Variants in IDUA observed in about 807,000 individuals in gnomAD.
IDUA encodes the protein alpha-L-iduronidase.
In IDUA, 65 loss-of-function variants were observed where a neutral mutation model predicts 68.9. That is an observed-to-expected ratio of 0.94 (90% confidence interval 0.77 to 1.16). IDUA has a LOEUF of 1.16. Ranked by LOEUF, IDUA falls within the 50% of genes most tolerant of loss-of-function variation. The pLI is 0.00. For synonymous variants in IDUA, 529 were observed against 433.6 expected (o/e 1.22, Z -2.73); for missense variants, 1,046 against 938.0 (o/e 1.12, Z -1.50).
At chr4:990,839 G>T (rs1415012114) in intron 2 of IDUA, 2 of 468,250 alleles carry the variant, frequency 4.3e-6, no homozygotes, top group Non-Finnish European at 7.6e-6. Flanking sequence ...CATGGCCTCA[G>T]TCCAGCACCA....
At chr4:994,506 C>A (rs968556209) in intron 2 of IDUA, among the ~76,000 whole-genome samples, 2 of 150,814 alleles carry the variant, frequency 1.3e-5, no homozygotes, top group African/African-American at 4.9e-5. Context: ...GGCATGATCT[C>A]GGCTCACTGC....
chr4:1,001,472 G>C lies in IDUA; in HGVS notation c.498G>C (p.Arg166Ser). ...GACAGCAAGGCTCCTCTGCAGGTAG[G>C]TACGGACTGGCGCATGTTTCCAAGT... Reference protein sequence around the residue: ...VSSLARRYIGRYGLAHVSKWN... With the variant: ...VSSLARRYIGSYGLAHVSKWN... The change falls in exon 5 of 14, where the codon AGG becomes AGC. Residue 166 changes from arginine (R) to serine (S), a missense_variant. By Grantham distance (110) the Arg-to-Ser change is moderately radical. Coordinates refer to ENST00000514224, the MANE Select transcript of IDUA (RefSeq NM_000203.5). 3 of 1,613,002 alleles carry C rather than the reference G, an allele frequency of 1.9e-6. No individual in the cohort carries two copies. The highest frequency in any genetic ancestry group is 2.5e-6 in the Non-Finnish European group (3 of 1,179,848).
intron 2 of IDUA, chr4:993,310 T>G (rs1375078725): frequency 1.3e-5 from 2 of 151,614 alleles, no homozygotes; most frequent in Non-Finnish European, 2.9e-5. Flanking sequence ...CCTGAGGGAG[T>G]CCTCACAGGC....
intron 12 of IDUA, 70 bp from the exon 13 acceptor site, chr4:1,003,942 C>G: frequency 1.6e-6 from 2 of 1,286,778 alleles, no homozygotes; most frequent in Non-Finnish European, 2.3e-6. Flanking sequence ...TCCACGCGGC[C>G]GTGCCCTGCC....
At chr4:1,002,235 G>T (rs1198380063) in intron 7 of IDUA, 34 bp from the exon 8 acceptor site, 27 of 1,591,132 alleles carry the variant, frequency 1.7e-5, no homozygotes, top group Non-Finnish European at 2.2e-5. Flanking sequence ...CGGTGGCCGC[G>T]CCACCCGGTC....
At chr4:988,054 C>T (rs1304699223) in intron 2 of IDUA, 105 bp downstream of exon 2, 20 of 1,475,092 alleles carry the variant, frequency 1.4e-5, no homozygotes, top group Admixed American at 1.3e-4. Context: ...CCCCACCTCC[C>T]GCCGAAGCAC....
At chr4:992,553 G>A (rs998801859) in intron 2 of IDUA, among the ~76,000 whole-genome samples, 10 of 152,322 alleles carry the variant, frequency 6.6e-5, no homozygotes, top group East Asian at 1.9e-4. Flanking sequence ...GGTGACTGGC[G>A]TCTGTCTCCC....
Position 1,003,022 on chromosome 4 carries a change from G to A in IDUA, c.1403-14G>A. 1 of 1,474,326 alleles carries A rather than the reference G, an allele frequency of 6.8e-7. No homozygotes were observed. The highest frequency in any genetic ancestry group is 8.9e-7 in the Non-Finnish European group (1 of 1,118,820). The allele number at this position is 1,474,326 out of a possible 1,614,324, so 91.3% of individuals were successfully genotyped here. A position where few individuals can be genotyped will look rare whatever the true frequency, so the allele number is the denominator to read the frequency against. On this transcript the variant is annotated splice_polypyrimidine_tract_variant and intron_variant, in intron 9 of 13. Transcript: ENST00000514224. Reference sequence around the variant, plus strand: ...CGGCCCGGGGAGCCGAGGCCTGAGTGTCAGGCCCCGCAGGCCTGGTCTACG... The same window carrying A: ...CGGCCCGGGGAGCCGAGGCCTGAGTATCAGGCCCCGCAGGCCTGGTCTACG...
At chr4:1,001,441 TG>T in intron 4 of IDUA, 26 bp from the exon 5 acceptor site, 5 of 1,598,394 alleles carry the variant, frequency 3.1e-6, no homozygotes, top group Non-Finnish European at 4.3e-6. Flanking sequence ...TCACCTGTGC[TG>T]GGGGGACAGC....
rs535446494 is a variant in IDUA, at chr4:990,455, G to A, written c.299+2506G>A. On this transcript the variant is annotated intron_variant, in intron 2 of 13. Transcript: ENST00000514224. Reference sequence around the variant, plus strand: ...GCATGGCCCGAGGGGTGGTGGTCACGGCACAGGACCTGACAATTCTGTGTT... The same window carrying A: ...GCATGGCCCGAGGGGTGGTGGTCACAGCACAGGACCTGACAATTCTGTGTT... The A allele has an allele frequency of 1.2e-5, 15 of 1,236,152 alleles. No homozygotes were observed. In the Admixed American group the frequency reaches 2.0e-4, roughly 17 times the overall value. 76.6% of individuals were successfully genotyped at this position (1,236,152 alleles called of 1,614,324 possible).
intron 2 of IDUA, chr4:989,062 C>A: frequency 6.3e-7 from 1 of 1,587,442 alleles, no homozygotes; most frequent in Admixed American, 1.8e-5. Flanking sequence ...CGTGCTCACA[C>A]CGGCTGCGTC....
At chr4:1,003,927 G>T (rs1372682603) in intron 12 of IDUA, 85 bp from the exon 13 acceptor site, 3 of 1,114,838 alleles carry the variant, frequency 2.7e-6, no homozygotes, top group Non-Finnish European at 4.1e-6. Context: ...GAATGAGGCT[G>T]TGGGTCCACG....
Position 1,001,319 on chromosome 4 carries a change from C to T in IDUA, c.494-149C>T, listed in dbSNP as rs3733341. 4,391 of 773,346 alleles carry T rather than the reference C, an allele frequency of 5.7e-3. 18 individuals are homozygous for T. Among genetic ancestry groups the T allele is most frequent in the Non-Finnish European group, 7.9e-3 (3,481 of 438,654 alleles). The allele number at this position is 773,346 out of a possible 1,614,324, so 47.9% of individuals were successfully genotyped here. Reference sequence around the variant, plus strand: ...CAGGTCTTGGACCCCCTTGAGCCAGCGCTTCCTGATGTGGGGCGGGAGGCT... The same window carrying T: ...CAGGTCTTGGACCCCCTTGAGCCAGTGCTTCCTGATGTGGGGCGGGAGGCT... On this transcript the variant is annotated intron_variant, in intron 4 of 13. Coordinates refer to ENST00000514224, the MANE Select transcript of IDUA (RefSeq NM_000203.5).
chr4:1,002,980 T>G (rs115134980), intron 9 of IDUA, 36 bp downstream of exon 9: 15 of 1,392,564 alleles, frequency 1.1e-5, no homozygotes, highest in Non-Finnish European at 1.3e-5. Context: ...CTGGCCCCGC[T>G]GGGGCTCTGG....
At chr4:988,544 G>A in intron 2 of IDUA, 3 of 1,274,184 alleles carry the variant, frequency 2.4e-6, no homozygotes, top group Non-Finnish European at 3.0e-6. Flanking sequence ...TGAGCGTCAG[G>A]TCAGGCCCAT....
intron 2 of IDUA, among the ~76,000 whole-genome samples, chr4:997,702 C>T (rs1226320322): frequency 6.6e-6 from 1 of 152,176 alleles, no homozygotes; most frequent in African/African-American, 2.4e-5. Context: ...CCGGCCCAGT[C>T]CCCTCCCCAG....
intron 2 of IDUA, chr4:1,000,065 G>T (rs1358504817): frequency 6.5e-6 from 1 of 152,932 alleles, no homozygotes; most frequent in Non-Finnish European, 1.4e-5. Flanking sequence ...AGCCCCATCG[G>T]CAAGTGCAGT....
Position 989,576 on chromosome 4 carries a change from G to A in IDUA, c.299+1627G>A, listed in dbSNP as rs387907483. On this transcript the variant is annotated intron_variant, in intron 2 of 13. Transcript: ENST00000514224. ...AGCCGCGGGAGGTCCCACACCTTGC[G>A]CAGGGCCCCCCGCAGGCTGACCACG... is the stretch of plus-strand genomic sequence containing the variant. 2.4e-5 allele frequency: 39 copies of A among 1,594,768 alleles called. No homozygotes were observed. Among genetic ancestry groups the A allele is most frequent in the African/African-American group, 6.7e-5 (5 of 74,714 alleles).
At position 1,004,233 on chromosome 4, in the gene IDUA, T is replaced by C. The variant is rs201025068; in HGVS notation, c.1829-27T>C. 5 of 1,609,564 alleles carry C rather than the reference T, an allele frequency of 3.1e-6. No homozygotes were observed. The highest frequency in any genetic ancestry group is 2.2e-5 in the East Asian group (1 of 44,854). The stretch of plus-strand genomic sequence containing the variant: ...GCTTTCGGGTGGGGGCAGGTTCCGG[T>C]TGGCACACATGTCCCCTTGTCTCCA... On this transcript the variant is annotated intron_variant, in intron 13 of 13. Coordinates refer to ENST00000514224, the MANE Select transcript of IDUA (RefSeq NM_000203.5). The surrounding 1 kb of genome is among the most constrained non-coding windows in gnomAD (Gnocchi z 5.0).
Sources: gnomAD v4.1 joint callset for allele counts (sites outside exome capture counted in the v4.1 genomes callset) on GRCh38, gnomAD v4.1.1 for gene constraint, Gnocchi (gnomAD v3.1) non-coding constraint, MANE v1.5 for transcripts, NCBI Gene and HGNC (gene_info 2026-07-23, HGNC 2026-07-21) for gene names.